The following CSTPP1 variants were observed in gnomAD, a reference collection of about 807,000 sequenced individuals.
CSTPP1 encodes UPF0705 protein C11orf49.
At chr11:47,136,314 C>T in the CSTPP1 span, among the ~76,000 whole-genome samples, 24,989 of 152,094 alleles carry the variant, frequency 0.16, 2,657 homozygotes, top group South Asian at 0.33. Flanking sequence ...CCTGAGACCA[C>T]GAGTGGCAAT....
At chr11:47,124,756 G>A in the CSTPP1 span, among the ~76,000 whole-genome samples, 2 of 152,302 alleles carry the variant, frequency 1.3e-5, no homozygotes, top group South Asian at 4.1e-4. Context: ...GTGCATAAAT[G>A]AAGTTGGGTA....
the CSTPP1 span, among the ~76,000 whole-genome samples, chr11:47,016,515 A>G: frequency 0.079 from 11,957 of 152,210 alleles, 491 homozygotes; most frequent in Non-Finnish European, 0.089. Context: ...TTGGAAATTT[A>G]AATTTTAAAA....
At chr11:46,942,272 T>C in the CSTPP1 span, among the ~76,000 whole-genome samples, 1 of 152,078 alleles carries the variant, frequency 6.6e-6, no homozygotes, top group East Asian at 1.9e-4. Context: ...CCGCAAAAGG[T>C]TTCCAGCCTT....
chr11:47,061,645 C>G, the CSTPP1 span, among the ~76,000 whole-genome samples: 1 of 152,120 alleles, frequency 6.6e-6, no homozygotes, highest in Non-Finnish European at 1.5e-5. Context: ...GATGTGGGCC[C>G]CACCAGCCAA....
At chr11:47,129,590 TC>T in the CSTPP1 span, among the ~76,000 whole-genome samples, 1 of 152,096 alleles carries the variant, frequency 6.6e-6, no homozygotes, top group Admixed American at 6.5e-5. Flanking sequence ...AATGGCCCCA[TC>T]GTGATGAACA....
chr11:46,958,819 C>A, the CSTPP1 span, among the ~76,000 whole-genome samples: 1 of 152,138 alleles, frequency 6.6e-6, no homozygotes, highest in African/African-American at 2.4e-5. Flanking sequence ...AGCCTGAGAA[C>A]CAGAAGCCTT....
At chr11:47,003,592 CA>C in the CSTPP1 span, among the ~76,000 whole-genome samples, 1 of 152,190 alleles carries the variant, frequency 6.6e-6, no homozygotes, top group Admixed American at 6.5e-5. Flanking sequence ...CATATCTAAC[CA>C]ATTTCTTGTC....
chr11:47,130,264 A>T, the CSTPP1 span, among the ~76,000 whole-genome samples: 1 of 151,972 alleles, frequency 6.6e-6, no homozygotes, highest in Non-Finnish European at 1.5e-5. Context: ...TCAAAAAAAA[A>T]AAAACCAAAA....
the CSTPP1 span, among the ~76,000 whole-genome samples, chr11:47,149,946 A>G: frequency 2.4e-3 from 369 of 152,012 alleles, 1 homozygote; most frequent in African/African-American, 8.1e-3. Context: ...TCCTAGAACT[A>G]AGCAGCTTGA....
the CSTPP1 span, among the ~76,000 whole-genome samples, chr11:47,096,076 C>T: frequency 1.1e-4 from 17 of 152,100 alleles, no homozygotes; most frequent in South Asian, 2.1e-4. Context: ...AATAAGCACA[C>T]CAAGGGATTC....
the CSTPP1 span, among the ~76,000 whole-genome samples, chr11:46,995,032 C>T: frequency 1.3e-5 from 2 of 152,166 alleles, no homozygotes; most frequent in African/African-American, 4.8e-5. Flanking sequence ...GGAATTTATC[C>T]ATTTCTTCTA....
At chr11:46,943,140 T>C in the CSTPP1 span, among the ~76,000 whole-genome samples, 1 of 152,204 alleles carries the variant, frequency 6.6e-6, no homozygotes, top group Non-Finnish European at 1.5e-5. Flanking sequence ...AAATGGAATA[T>C]GAATAATCTG....
At chr11:47,048,118 A>G in the CSTPP1 span, among the ~76,000 whole-genome samples, 1 of 152,246 alleles carries the variant, frequency 6.6e-6, no homozygotes, top group East Asian at 1.9e-4. Flanking sequence ...GGTTAAACCT[A>G]TAACTACCAT....
At chr11:47,094,511 G>A in the CSTPP1 span, among the ~76,000 whole-genome samples, 1 of 151,818 alleles carries the variant, frequency 6.6e-6, no homozygotes, top group Non-Finnish European at 1.5e-5. Context: ...AGAAACTTTT[G>A]AGGATGTGGA....
the CSTPP1 span, among the ~76,000 whole-genome samples, chr11:46,994,320 T>C: frequency 1.3e-5 from 2 of 152,192 alleles, no homozygotes; most frequent in Admixed American, 6.5e-5. Context: ...CTATGTTGAA[T>C]AGGAGTGGTG....
chr11:47,041,703 GA>G, the CSTPP1 span: 1 of 508,268 alleles, frequency 2.0e-6, no homozygotes, highest in Non-Finnish European at 4.0e-6. Flanking sequence ...TTTCCACAGT[GA>G]AGAGGTTGTC....
the CSTPP1 span, chr11:47,155,080 T>TC: frequency 1.1e-6 from 1 of 910,728 alleles, no homozygotes; most frequent in Non-Finnish European, 1.8e-6. Flanking sequence ...TCTCTCCCTC[T>TC]CCCCCGCACT....
At chr11:47,030,671 C>T in the CSTPP1 span, among the ~76,000 whole-genome samples, 7 of 152,226 alleles carry the variant, frequency 4.6e-5, 1 homozygote, top group Admixed American at 4.6e-4. Flanking sequence ...TTCCCTCTTC[C>T]CATCCTCCAC....
At chr11:47,113,861 A>G in the CSTPP1 span, among the ~76,000 whole-genome samples, 2 of 151,726 alleles carry the variant, frequency 1.3e-5, no homozygotes, top group African/African-American at 2.4e-5. Context: ...ATTCGATCCC[A>G]TTTGTCTATT....
Sources: gnomAD v4.1 joint callset for allele counts (sites outside exome capture counted in the v4.1 genomes callset) on GRCh38, gnomAD v4.1.1 for gene constraint, MANE v1.5 for transcripts, NCBI Gene and HGNC (gene_info 2026-07-23, HGNC 2026-07-21) for gene names.